Variants in LYG2 observed in about 807,000 individuals in gnomAD.
LYG2 encodes lysozyme g-like protein 2.
A neutral mutation model predicts 22.4 loss-of-function variants in LYG2; 25 were observed. The ratio of observed to expected loss-of-function variants is 1.12; its 90% confidence interval spans 0.81 to 1.56. The LOEUF is 1.56. LYG2 is among the 40% of genes most tolerant of loss of function. The probability of loss-of-function intolerance (pLI) is 0.00; values close to 1 mark genes in which losing one functional copy is unlikely to be tolerated. For synonymous variants in LYG2, 88 were observed against 97.0 expected (o/e 0.91, Z 0.55); for missense variants, 266 against 269.5 (o/e 0.99, Z 0.09).
intron 6 of LYG2, chr2:99,243,693 C>CGTT: frequency 6.4e-6 from 1 of 156,548 alleles, no homozygotes; most frequent in Non-Finnish European, 1.1e-5. Context: ...CCATGCCCAG[C>CGTT]TTTTTTTTTT....
intron 4 of LYG2, 35 bp downstream of exon 4, chr2:99,246,645 G>C (rs1433004058): frequency 1.2e-6 from 2 of 1,600,244 alleles, no homozygotes; most frequent in Non-Finnish European, 1.7e-6. Flanking sequence ...ACGATGAAAG[G>C]GGGAAGCCAG....
At chr2:99,250,739 G>A (rs2094025147) in intron 3 of LYG2, among the ~76,000 whole-genome samples, 2 of 152,212 alleles carry the variant, frequency 1.3e-5, no homozygotes, top group African/African-American at 4.8e-5. Context: ...GGGAGAGGTT[G>A]TGAGGAAATA....
At chr2:99,259,547 G>A (rs3863004), upstream of LYG2, among the ~76,000 whole-genome samples, 4,738 of 152,254 alleles carry the variant, frequency 0.031, 249 homozygotes, top group East Asian at 0.15. Context: ...GGAGAAGGGA[G>A]AAGTCTGAAA....
chr2:99,244,509 C>T (rs528744551), intron 5 of LYG2, among the ~76,000 whole-genome samples: 119 of 152,210 alleles, frequency 7.8e-4, no homozygotes, highest in Non-Finnish European at 1.4e-3. Context: ...AAAATCGAGC[C>T]TGGAAGCAAA....
At chr2:99,245,612 TAAAA>T (rs34440649) in intron 4 of LYG2, among the ~76,000 whole-genome samples, 154 bp from the exon 5 acceptor site, 1 of 125,546 alleles carries the variant, frequency 8.0e-6, no homozygotes, top group African/African-American at 3.0e-5. Flanking sequence ...CATCTCTAAT[TAAAA>T]AAAAAAAAAA....
Position 99,248,640 on chromosome 2 carries a change from G to A in LYG2, c.44-1820C>T, listed in dbSNP as rs1429762283. Among the ~76,000 whole-genome samples, 14 of 149,650 alleles carry A rather than the reference G, an allele frequency of 9.4e-5. No homozygotes were observed. The East Asian group carries it at 2.2e-3, about 23-fold the overall frequency. ...GGAGATATACCTAATGCTAAATGAC[G>A]AGTTAATGGGTGCAGCACACCAGCA... On this transcript the variant is annotated intron_variant, in intron 3 of 6. Coordinates refer to ENST00000333017, the MANE Select transcript of LYG2 (RefSeq NM_175735.4).
upstream of LYG2, among the ~76,000 whole-genome samples, chr2:99,256,807 T>A (rs1054649563): frequency 3.3e-5 from 5 of 152,248 alleles, no homozygotes; most frequent in Non-Finnish European, 7.3e-5. Context: ...TGATGTGGAT[T>A]GTTCTGTTCA....
chr2:99,250,360 G>A (rs2094023947), intron 3 of LYG2, among the ~76,000 whole-genome samples: 1 of 149,890 alleles, frequency 6.7e-6, no homozygotes, highest in Non-Finnish European at 1.5e-5. Flanking sequence ...CATTATAACA[G>A]CATTTTCCAA....
chr2:99,251,377 A>G (rs556869626), intron 3 of LYG2, among the ~76,000 whole-genome samples: 16 of 152,312 alleles, frequency 1.1e-4, no homozygotes, highest in Admixed American at 1.0e-3. Flanking sequence ...AACATAAATA[A>G]TCACAAGAAA....
chr2:99,249,675 C>T (rs949616564), intron 3 of LYG2, among the ~76,000 whole-genome samples: 5 of 144,418 alleles, frequency 3.5e-5, no homozygotes, highest in South Asian at 4.5e-4. Context: ...GCAGAAGAAT[C>T]GCTTGAACCC....
intron 6 of LYG2, chr2:99,243,400 G>A (rs17760953): frequency 0.23 from 353,211 of 1,545,500 alleles, 42,253 homozygotes; most frequent in Admixed American, 0.37. Context: ...CTGAAGTCCC[G>A]AAAATACTCA....
At chr2:99,244,939 C>G (rs763375957) in intron 5 of LYG2, among the ~76,000 whole-genome samples, 3 of 151,726 alleles carry the variant, frequency 2.0e-5, no homozygotes, top group African/African-American at 7.3e-5. Context: ...GGTGAAATCC[C>G]GTCTCTACTA....
chr2:99,259,726 A>C (rs1261727849), upstream of LYG2, among the ~76,000 whole-genome samples: 1 of 152,168 alleles, frequency 6.6e-6, no homozygotes, highest in Non-Finnish European at 1.5e-5. Flanking sequence ...AGTATTATAC[A>C]ATACTGTAAA....
the LYG2 span, among the ~76,000 whole-genome samples, chr2:99,260,839 G>A: frequency 1.3e-5 from 2 of 152,320 alleles, no homozygotes. Context: ...ATGCAGTTCA[G>A]TGTATAGAGT....
chr2:99,250,664 A>T (rs183114170), intron 3 of LYG2, among the ~76,000 whole-genome samples: 1 of 152,098 alleles, frequency 6.6e-6, no homozygotes, highest in African/African-American at 2.4e-5. Context: ...GTGAGCCACC[A>T]CGCCTGGCTG....
At chr2:99,248,066 A>G (rs2094019418) in intron 3 of LYG2, among the ~76,000 whole-genome samples, 1 of 152,208 alleles carries the variant, frequency 6.6e-6, no homozygotes, top group South Asian at 2.1e-4. Flanking sequence ...GGCAATCATT[A>G]AAAAGTCAGG....
At chr2:99,248,969 A>G (rs974386195) in intron 3 of LYG2, among the ~76,000 whole-genome samples, 7 of 152,162 alleles carry the variant, frequency 4.6e-5, no homozygotes, top group Admixed American at 2.6e-4. Context: ...TTGTTCTGTC[A>G]TTAAAAAGTG....
At chr2:99,253,624 T>G (rs905877335) in intron 3 of LYG2, among the ~76,000 whole-genome samples, 2 of 151,978 alleles carry the variant, frequency 1.3e-5, no homozygotes, top group Non-Finnish European at 2.9e-5. Context: ...AGAAACCCCC[T>G]CGTCTGTCCA....
chr2:99,250,550 A>G (rs540441025), intron 3 of LYG2, among the ~76,000 whole-genome samples: 16 of 152,032 alleles, frequency 1.1e-4, no homozygotes, highest in South Asian at 6.2e-4. Context: ...AATTTTTTGT[A>G]TTTTTAGTAG....
Sources: allele counts gnomAD v4.1 joint callset (sites outside exome capture counted in the v4.1 genomes callset), GRCh38; gene constraint gnomAD v4.1.1; transcripts MANE v1.5; gene names NCBI Gene and HGNC (gene_info 2026-07-23, HGNC 2026-07-21).